Variants in NCOA4 observed in about 807,000 individuals in gnomAD.
NCOA4 encodes the protein 70 kDa AR-activator.
Under a neutral mutation model 69.5 loss-of-function variants are expected in NCOA4, and 31 were observed. The ratio of observed to expected loss-of-function variants is 0.45; its 90% confidence interval spans 0.34 to 0.60. The LOEUF is 0.60. NCOA4 is among the 20% of genes least tolerant of loss of function. The probability of loss-of-function intolerance (pLI) is 0.02; values close to 1 mark genes in which losing one functional copy is unlikely to be tolerated. For missense variants in NCOA4, 600 were observed against 719.2 expected (o/e 0.83, Z 1.90); for synonymous variants, 228 against 252.4 (o/e 0.90, Z 0.92).
chr10:46,010,194 A>AC, intron 8 of NCOA4, 29 bp downstream of exon 8: 1 of 1,558,818 alleles, frequency 6.4e-7, no homozygotes, highest in Non-Finnish European at 8.6e-7. Flanking sequence ...TAAAACTCAA[A>AC]CCAGTGCTAT....
chr10:46,022,335 A>G (rs1839918053), intron 1 of NCOA4: 1 of 423,532 alleles, frequency 2.4e-6, no homozygotes, highest in African/African-American at 2.1e-5. Flanking sequence ...TTGATGAGAC[A>G]ACCTGCATTA....
intron 1 of NCOA4, among the ~76,000 whole-genome samples, chr10:46,024,911 G>A (rs1436521280): frequency 2.0e-5 from 3 of 152,172 alleles, no homozygotes; most frequent in African/African-American, 7.2e-5. Context: ...TAAGGCTCCT[G>A]AGTTAGGGTT....
At chr10:46,011,317 G>A in intron 7 of NCOA4, 111 bp from the exon 8 acceptor site, 1 of 1,074,052 alleles carries the variant, frequency 9.3e-7, no homozygotes, top group Non-Finnish European at 1.3e-6. Flanking sequence ...GCCCAGGCTG[G>A]AGTGCGGTGG....
intron 1 of NCOA4, among the ~76,000 whole-genome samples, chr10:46,020,714 A>C (rs1839818259): frequency 6.6e-6 from 1 of 152,192 alleles, no homozygotes; most frequent in Non-Finnish European, 1.5e-5. Context: ...CAATAGTCTA[A>C]ATCCTCTAAT....
rs548084856 is a variant in NCOA4 at position 46,012,728 on chromosome 10, C to T, written c.714+155G>A. ...TAAAATTTTCTATGATAAAGAGTTC[C>T]TTATTTTCTAAACTTTCTATGATGA... On this transcript the variant is annotated intron_variant, in intron 7 of 9. Transcript: ENST00000581486. 4.6e-5 allele frequency among the ~76,000 whole-genome samples: 7 copies of T among 151,934 alleles called. No homozygotes were observed. The South Asian group carries it at 1.2e-3, about 27-fold the overall frequency.
chr10:46,029,213 C>T (rs1438874909), intron 1 of NCOA4, among the ~76,000 whole-genome samples: 1 of 152,056 alleles, frequency 6.6e-6, no homozygotes, highest in Non-Finnish European at 1.5e-5. Flanking sequence ...AAAACTACCA[C>T]AAAACTTTCA....
At chr10:46,026,978 A>G (rs546137359) in intron 1 of NCOA4, among the ~76,000 whole-genome samples, 4 of 152,188 alleles carry the variant, frequency 2.6e-5, no homozygotes, top group Non-Finnish European at 5.9e-5. Flanking sequence ...AGAATGACTA[A>G]GAGTGGTCCG....
At chr10:46,013,082 A>T in intron 6 of NCOA4, 56 bp from the exon 7 acceptor site, 1 of 1,565,796 alleles carries the variant, frequency 6.4e-7, no homozygotes, top group Admixed American at 1.7e-5. Flanking sequence ...CCAGAAAAAG[A>T]GAAGAGCCAC....
intron 1 of NCOA4, 38 bp from the exon 2 acceptor site, chr10:46,016,732 T>A: frequency 7.5e-7 from 1 of 1,337,658 alleles, no homozygotes; most frequent in Non-Finnish European, 9.7e-7. Flanking sequence ...AGCACCATAA[T>A]TACAACCAAA....
intron 2 of NCOA4, among the ~76,000 whole-genome samples, chr10:46,016,142 G>A (rs1839525853): frequency 6.6e-6 from 1 of 152,160 alleles, no homozygotes; most frequent in Non-Finnish European, 1.5e-5. Flanking sequence ...CCATTAACCA[G>A]CTAAAAGATG....
At chr10:46,023,281 C>T in intron 1 of NCOA4, 1 of 985,500 alleles carries the variant, frequency 1.0e-6, no homozygotes, top group Non-Finnish European at 1.2e-6. Flanking sequence ...CCCTGCAAGG[C>T]TACCGGCCTC....
At chr10:46,017,078 T>C (rs1276302953) in intron 1 of NCOA4, among the ~76,000 whole-genome samples, 1 of 152,244 alleles carries the variant, frequency 6.6e-6, no homozygotes, top group African/African-American at 2.4e-5. Context: ...GATTTAGAGA[T>C]GAAGACTAAA....
At chr10:46,018,860 AC>A (rs1839713763) in intron 1 of NCOA4, among the ~76,000 whole-genome samples, 1 of 152,192 alleles carries the variant, frequency 6.6e-6, no homozygotes, top group East Asian at 1.9e-4. Context: ...CCCATTTCAG[AC>A]AAAGGAACTT....
At chr10:46,025,173 C>T (rs1370040973) in intron 1 of NCOA4, among the ~76,000 whole-genome samples, 1 of 152,154 alleles carries the variant, frequency 6.6e-6, no homozygotes, top group Non-Finnish European at 1.5e-5. Context: ...GCCTGAGAAC[C>T]CAGGGGGCCA....
At position 46,011,220 on chromosome 10, in the gene NCOA4, A is replaced by G; in HGVS notation, c.715-14T>C. 1.9e-6 allele frequency: 3 copies of G among 1,567,226 alleles called. No individual in the cohort carries two copies. The highest frequency in any genetic ancestry group is 2.6e-6 in the Non-Finnish European group (3 of 1,163,016). ...TCTGGAAGAAGTCTACACAAAAAGT[A>G]CACAGTATTAGTTTGCCAGAACAAT... On this transcript the variant is annotated splice_polypyrimidine_tract_variant and intron_variant, in intron 7 of 9. Coordinates refer to ENST00000581486, the MANE Select transcript of NCOA4 (RefSeq NM_001145263.2).
In NCOA4 at chr10:46,013,025, T is replaced by G; in HGVS notation, c.572A>C (p.Lys191Thr). Residue 191 changes from lysine (K) to threonine (T), a missense_variant and splice_region_variant, in exon 7 of 10, where the codon AAG becomes ACG. Lys to Thr is a moderately conservative substitution (Grantham distance 78). Coordinates refer to ENST00000581486, the MANE Select transcript of NCOA4 (RefSeq NM_001145263.2). ...GACAGCTACAATACCGGATGCTGAC[T>G]TCTGTTAATCACAAAACAAGGAATG... ...KRGCISMPEQ[K>T]SASGIVAVPF... 1 of 1,613,902 alleles carries G rather than the reference T, an allele frequency of 6.2e-7. No individual in the cohort carries two copies. Among genetic ancestry groups the G allele is most frequent in the African/African-American group, 1.3e-5 (1 of 75,042 alleles).
In NCOA4 at chr10:46,010,694, G is replaced by C. The variant is rs1554921114; in HGVS notation, c.1227C>G (p.Pro409=). Residue 409 remains proline, a synonymous_variant, in exon 8 of 10, where the codon CCC becomes CCG. Transcript: ENST00000581486. Reference sequence around the variant, plus strand: ...ACACACACTCTGCAAAGCTTGTGCAGGGCTCATTGGCTCTGCACACCTCCT... The same window carrying C: ...ACACACACTCTGCAAAGCTTGTGCACGGCTCATTGGCTCTGCACACCTCCT... ...KVEEVCRANE[P]CTSFAECVCD... 6.2e-7 allele frequency: 1 copy of C among 1,614,054 alleles called. No individual in the cohort carries two copies. The highest frequency in any genetic ancestry group is 2.2e-5 in the East Asian group (1 of 44,878).
intron 1 of NCOA4, chr10:46,023,568 C>G: frequency 2.1e-6 from 2 of 965,098 alleles, no homozygotes; most frequent in Non-Finnish European, 2.5e-6. Flanking sequence ...CTCGCGGCCC[C>G]CCTGCAGCTC....
At chr10:46,020,153 AACTAGTTC>A (rs1396888701) in intron 1 of NCOA4, among the ~76,000 whole-genome samples, 1 of 152,232 alleles carries the variant, frequency 6.6e-6, no homozygotes, top group African/African-American at 2.4e-5. Flanking sequence ...TGTATGAGGT[AACTAGTTC>A]ACATGGCCAT....
Sources: gnomAD v4.1 joint callset for allele counts (sites outside exome capture counted in the v4.1 genomes callset) on GRCh38, gnomAD v4.1.1 for gene constraint, MANE v1.5 for transcripts, NCBI Gene and HGNC (gene_info 2026-07-23, HGNC 2026-07-21) for gene names.